Variants in NEK6 observed in about 807,000 individuals in gnomAD.
The protein encoded by NEK6 is NIMA related kinase 6.
NEK6 carries 27 observed loss-of-function variants against 43.5 expected under a neutral mutation model. That is an observed-to-expected ratio of 0.62 (90% CI 0.46 to 0.86). NEK6 has a LOEUF of 0.86. NEK6 is among the 40% of genes least tolerant of loss of function. The pLI is 0.00. For synonymous variants in NEK6, 167 were observed against 164.1 expected, an observed-to-expected ratio of 1.02 and a Z score of -0.14; for missense variants, 318 against 414.4, an observed-to-expected ratio of 0.77 and a Z score of 2.02.
At chr9:124,259,321 G>C (rs190901596) in intron 1 of NEK6, 9 of 152,222 alleles carry the variant, frequency 5.9e-5, no homozygotes, top group African/African-American at 1.9e-4. Context: ...TGTACAGTAC[G>C]TGCAGGCAGG....
Position 124,326,182 on chromosome 9 carries a change from T to G in NEK6, c.406-148T>G. The G allele has an allele frequency of 3.4e-6, 2 of 587,138 alleles. No individual in the cohort carries two copies. Among genetic ancestry groups the G allele is most frequent in the East Asian group, 3.0e-5 (1 of 33,112 alleles). The allele number at this position is 587,138 out of a possible 1,614,324, so 36.4% of individuals were successfully genotyped here. On this transcript the variant is annotated intron_variant, in intron 5 of 9. Coordinates refer to ENST00000320246, the MANE Select transcript of NEK6 (RefSeq NM_014397.6). This position sits in a 1 kb window ranked among gnomAD's most constrained non-coding sequence, Gnocchi z 4.5. ...CACAGCACTCTTGGTTCTGGGCTTA[T>G]TGTTTGCTCAGTGGCTCAATCCCCC...
intron 1 of NEK6, among the ~76,000 whole-genome samples, chr9:124,274,583 C>T (rs772866369): frequency 2.0e-5 from 3 of 152,236 alleles, no homozygotes; most frequent in Non-Finnish European, 4.4e-5. Context: ...TGTGGACTCA[C>T]AGTCCGGGTA....
Position 124,266,367 on chromosome 9 carries a change from G to C in NEK6, c.-30+8282G>C, listed in dbSNP as rs540945361. Among the ~76,000 whole-genome samples the C allele has an allele frequency of 3.9e-5, 6 of 152,312 alleles. No homozygotes were observed. In the South Asian group the frequency reaches 1.2e-3, roughly 32 times the overall value. On this transcript the variant is annotated intron_variant, in intron 1 of 9. Transcript: ENST00000320246. ...AGACCCAGAGAGTCCAGGATCTGTG[G>C]TGCTTGACGAGCATCAGCCTGAGTG... is the stretch of plus-strand genomic sequence containing the variant.
chr9:124,278,844 C>G (rs1440454170), intron 1 of NEK6, among the ~76,000 whole-genome samples: 1 of 152,174 alleles, frequency 6.6e-6, no homozygotes, highest in Non-Finnish European at 1.5e-5. Flanking sequence ...GAATTCCCGT[C>G]ACCTAGAGCA....
intron 1 of NEK6, chr9:124,265,766 G>C (rs1279461090): frequency 6.6e-6 from 1 of 152,280 alleles, no homozygotes; most frequent in Admixed American, 6.5e-5. Flanking sequence ...TGTCCTATGG[G>C]CTAAGTGGAC....
At position 124,341,730 on chromosome 9, in the gene NEK6, G is replaced by C. The variant is rs1176993951; in HGVS notation, c.717+2065G>C. On this transcript the variant is annotated intron_variant, in intron 8 of 9. Transcript: ENST00000320246. ...GTTGGGGCGGCGAGTGTTGAGCAGG[G>C]TGTGTGGGTGGGCTCGGGGGAGGGC... Among the ~76,000 whole-genome samples, 6 of 152,032 alleles carry C rather than the reference G, an allele frequency of 3.9e-5. No individual in the cohort carries two copies. The East Asian group carries it at 1.2e-3, about 29-fold the overall frequency.
intron 1 of NEK6, among the ~76,000 whole-genome samples, chr9:124,285,725 C>G (rs1301732375): frequency 6.6e-6 from 1 of 152,130 alleles, no homozygotes; most frequent in Non-Finnish European, 1.5e-5. Flanking sequence ...CAGGGCCGGC[C>G]GCAGGCAGGA....
At chr9:124,265,498 G>A (rs1249366586) in intron 1 of NEK6, 2 of 152,124 alleles carry the variant, frequency 1.3e-5, no homozygotes, top group African/African-American at 2.4e-5. Flanking sequence ...CTCCAGCTTG[G>A]GCAATAGAGT....
At position 124,307,431 on chromosome 9, in the gene NEK6, A is replaced by C. The variant is rs568472550; in HGVS notation, c.91-5078A>C. On this transcript the variant is annotated intron_variant, in intron 2 of 9. Coordinates refer to ENST00000320246, the MANE Select transcript of NEK6 (RefSeq NM_014397.6). ...GCCATCTCATTGGCTCCTGCTCACC[A>C]GTTTCCTGCTGCTCCCCAGGGCCCT... Among the ~76,000 whole-genome samples, 277 of 152,274 alleles carry C rather than the reference A, an allele frequency of 1.8e-3. 1 individual carries two copies. Among genetic ancestry groups the C allele is most frequent in the African/African-American group, 6.4e-3 (264 of 41,540 alleles).
At chr9:124,274,610 C>G (rs1831580677) in intron 1 of NEK6, among the ~76,000 whole-genome samples, 1 of 152,214 alleles carries the variant, frequency 6.6e-6, no homozygotes, top group Non-Finnish European at 1.5e-5. Context: ...AGCAGCCTGT[C>G]CCAGCATCAC....
intron 4 of NEK6, among the ~76,000 whole-genome samples, chr9:124,315,653 G>A (rs1833776290): frequency 6.6e-6 from 1 of 152,182 alleles, no homozygotes; most frequent in Admixed American, 6.5e-5. Context: ...CCGAGTGAAG[G>A]AACCCACAGG....
rs1830257635 is a variant in NEK6, at chr9:124,351,192, C to G, written c.*245C>G. On this transcript the variant is annotated 3_prime_UTR_variant, in exon 10 of 10. Coordinates refer to ENST00000320246, the MANE Select transcript of NEK6 (RefSeq NM_014397.6). ...TTTATACTGTTGTGGACAATCTCAG[C>G]TGGGTCAATAAGGGCAGGTGGTTCA... 2.4e-6 allele frequency: 1 copy of G among 423,728 alleles called. No individual in the cohort carries two copies. The highest frequency in any genetic ancestry group is 4.3e-6 in the Non-Finnish European group (1 of 230,272). 26.2% of individuals were successfully genotyped at this position (423,728 alleles called of 1,614,324 possible). A position where few individuals can be genotyped will look rare whatever the true frequency, so the allele number is the denominator to read the frequency against.
intron 1 of NEK6, among the ~76,000 whole-genome samples, chr9:124,270,324 G>T (rs907044195): frequency 6.6e-6 from 1 of 152,178 alleles, no homozygotes; most frequent in African/African-American, 2.4e-5. Flanking sequence ...GGGGCTGAGT[G>T]TCCAAGAAGC....
intron 7 of NEK6, among the ~76,000 whole-genome samples, chr9:124,329,834 G>A (rs1477300332): frequency 1.3e-5 from 2 of 152,262 alleles, no homozygotes; most frequent in African/African-American, 2.4e-5. Flanking sequence ...ACGTTTGGTT[G>A]GGCAAGAGAT....
chr9:124,324,126 G>C lies in NEK6; in HGVS notation c.406-2204G>C, dbSNP rs575849123. ...TGGCTCGGTGCAGCCGCCAGCAGGG[G>C]AGGCCTGGCAGTGCAGAGACCCACT... is the stretch of plus-strand genomic sequence containing the variant. On this transcript the variant is annotated intron_variant, in intron 5 of 9. Coordinates refer to ENST00000320246, the MANE Select transcript of NEK6 (RefSeq NM_014397.6). The surrounding 1 kb of genome is among the most constrained non-coding windows in gnomAD (Gnocchi z 5.3). 4.3e-3 allele frequency among the ~76,000 whole-genome samples: 648 copies of C among 152,340 alleles called. 3 individuals are homozygous for C. The highest frequency in any genetic ancestry group is 6.5e-3 in the Non-Finnish European group (439 of 68,030).
intron 1 of NEK6, among the ~76,000 whole-genome samples, chr9:124,294,667 A>G (rs1184935281): frequency 6.6e-6 from 1 of 151,920 alleles, no homozygotes; most frequent in Non-Finnish European, 1.5e-5. Context: ...CTCATTTAAT[A>G]TGGCTGCACG....
chr9:124,343,213 G>A lies in NEK6; in HGVS notation c.717+3548G>A, dbSNP rs1829740706. ...GGCTGTGCGGCTCGCAGCTGGGGGGGCTGGACCACAGCCGGGGGGCGGTGA... is the reference window on the plus strand; with the variant it reads ...GGCTGTGCGGCTCGCAGCTGGGGGGACTGGACCACAGCCGGGGGGCGGTGA... On this transcript the variant is annotated intron_variant, in intron 8 of 9. Coordinates refer to ENST00000320246, the MANE Select transcript of NEK6 (RefSeq NM_014397.6). The surrounding 1 kb of genome is among the most constrained non-coding windows in gnomAD (Gnocchi z 5.1). Among the ~76,000 whole-genome samples the A allele has an allele frequency of 6.6e-6, 1 of 151,116 alleles. No homozygotes were observed. Among genetic ancestry groups the A allele is most frequent in the Admixed American group, 6.6e-5 (1 of 15,176 alleles).
intron 1 of NEK6, chr9:124,291,978 C>G: frequency 1.0e-6 from 1 of 987,840 alleles, no homozygotes; most frequent in Non-Finnish European, 1.2e-6. Flanking sequence ...CTGCACCCAC[C>G]CCAGCCCAGA....
rs1831048320 is a variant in NEK6 at position 124,261,953 on chromosome 9, A to G, written c.-30+3868A>G. Reference sequence around the variant, plus strand: ...AAATAGTCCTTTTTTCCACATTTTTATCTTTTTTTTTTTTTGCTGACATCA... The same window carrying G: ...AAATAGTCCTTTTTTCCACATTTTTGTCTTTTTTTTTTTTTGCTGACATCA... On this transcript the variant is annotated intron_variant, in intron 1 of 9. Transcript: ENST00000320246. 3.3e-5 allele frequency among the ~76,000 whole-genome samples: 5 copies of G among 150,072 alleles called. No individual in the cohort carries two copies. The South Asian group carries it at 8.4e-4, about 25-fold the overall frequency.
Sources: gnomAD v4.1 joint callset for allele counts (sites outside exome capture counted in the v4.1 genomes callset) on GRCh38, gnomAD v4.1.1 for gene constraint, Gnocchi (gnomAD v3.1) non-coding constraint, MANE v1.5 for transcripts, NCBI Gene and HGNC (gene_info 2026-07-23, HGNC 2026-07-21) for gene names.